Variants in ASNSD1 observed in about 807,000 individuals in gnomAD.
The protein encoded by ASNSD1 is asparagine synthetase domain-containing protein 1.
In ASNSD1, 36 loss-of-function variants were observed where a neutral mutation model predicts 48.3. The ratio of observed to expected loss-of-function variants is 0.75; its 90% CI spans 0.57 to 0.99. The LOEUF is 0.99. ASNSD1 is among the 50% of genes least tolerant of loss of function. The probability of loss-of-function intolerance (pLI) is 0.00; values close to 1 mark genes in which losing one functional copy is unlikely to be tolerated. For synonymous variants in ASNSD1, 257 were observed against 262.1 expected, an observed-to-expected ratio of 0.98 and a Z score of 0.19; for missense variants, 714 against 758.2, an observed-to-expected ratio of 0.94 and a Z score of 0.69.
chr2:189,668,396 A>T (rs1054506369), intron 5 of ASNSD1, among the ~76,000 whole-genome samples: 2 of 152,220 alleles, frequency 1.3e-5, no homozygotes, highest in African/African-American at 4.8e-5. Context: ...GCATGCCTGT[A>T]GTTCCAGCTA....
chr2:189,667,904 T>C lies in ASNSD1; in HGVS notation c.1605T>C (p.Gly535=). The change falls in exon 5 of 6, where the codon GGT becomes GGC. Residue 535 remains glycine (G), a synonymous_variant. Coordinates refer to ENST00000260952, the MANE Select transcript of ASNSD1 (RefSeq NM_019048.4). ...GTCGAATTTCTTCTAGAAATCTTGGTCGTGATGACAGAGTTATTGGTGATC... is the reference window on the plus strand; with the variant it reads ...GTCGAATTTCTTCTAGAAATCTTGGCCGTGATGACAGAGTTATTGGTGATC... ...ELGRISSRNL[G]RDDRVIGDHG... is the part of the protein sequence containing the mutation. 6.2e-7 allele frequency: 1 copy of C among 1,613,948 alleles called. No individual in the cohort carries two copies. Among genetic ancestry groups the C allele is most frequent in the Non-Finnish European group, 8.5e-7 (1 of 1,179,990 alleles).
Position 189,665,584 on chromosome 2 carries a change from TTATATATATATGTGTATATA to T in ASNSD1, c.-93+145_-93+164del, listed in dbSNP as rs1435260513. ...TAGGCTTCCGAAGATGAGTCAACAG[TTATATATATATGTGTATATA>T]TATATATATATATATATATATATAT... On this transcript the variant is annotated intron_variant, in intron 3 of 5. Transcript: ENST00000260952. 102 of 140,470 alleles carry T rather than the reference TTATATATATATGTGTATATA, an allele frequency of 7.3e-4. 1 individual carries two copies. Among genetic ancestry groups the T allele is most frequent in the African/African-American group, 3.6e-3 (96 of 26,872 alleles). 8.7% of individuals were successfully genotyped at this position (140,470 alleles called of 1,614,324 possible).
rs1446237198 is a variant in ASNSD1, at chr2:189,670,608, A to G, written c.1814A>G (p.Gln605Arg). Residue 605 changes from glutamine to arginine, a missense_variant, in exon 6 of 6, where the codon CAG becomes CGG. By Grantham distance (43) the Gln-to-Arg change is conservative (BLOSUM62 1). Transcript: ENST00000260952. ...GCTCTTCTGCCCAAACGGGCCATGC[A>G]GTTTGGATCAAGAATTGCAAAAATG... ...ASALLPKRAM[Q>R]FGSRIAKMEK... 2 of 1,614,106 alleles carry G rather than the reference A, an allele frequency of 1.2e-6. No homozygotes were observed. The highest frequency in any genetic ancestry group is 1.7e-5 in the Admixed American group (1 of 60,014).
chr2:189,665,228 G>T (rs1419659221), intron 2 of ASNSD1, 148 bp from the exon 3 acceptor site: 3 of 369,814 alleles, frequency 8.1e-6, no homozygotes, highest in Non-Finnish European at 1.4e-5. Context: ...TGGGCAGTGG[G>T]TGACTTTTAT....
intron 1 of ASNSD1, among the ~76,000 whole-genome samples, chr2:189,662,780 C>T (rs1355122770): frequency 6.6e-6 from 1 of 151,948 alleles, no homozygotes; most frequent in African/African-American, 2.4e-5. Flanking sequence ...GTTGAGCCCT[C>T]CCCTACAAAT....
In ASNSD1 at chr2:189,667,079, G is replaced by A. The variant is rs530742883; in HGVS notation, c.947G>A (p.Cys316Tyr). Residue 316 changes from cysteine to tyrosine, a missense_variant, in exon 4 of 6, where the codon TGT becomes TAT. Physicochemically the swap from Cys to Tyr is radical, Grantham distance 194. Coordinates refer to ENST00000260952, the MANE Select transcript of ASNSD1 (RefSeq NM_019048.4). ...NLTANEVLKT[C>Y]DRKANVAILF... ...ACAGCAAATGAAGTTTTGAAAACGTGTGATAGGAAAGCAAATGTTGCAATC... is the reference window on the plus strand; with the variant it reads ...ACAGCAAATGAAGTTTTGAAAACGTATGATAGGAAAGCAAATGTTGCAATC... 23 of 1,614,142 alleles carry A rather than the reference G, an allele frequency of 1.4e-5. No individual in the cohort carries two copies. In the African/African-American group the frequency reaches 1.6e-4, roughly 11 times the overall value.
chr2:189,664,019 G>A (rs2032731937), intron 2 of ASNSD1, 65 bp downstream of exon 2: 1 of 366,060 alleles, frequency 2.7e-6, no homozygotes, highest in Admixed American at 4.7e-5. Flanking sequence ...ATATATTAAA[G>A]TTATAAGAAG....
chr2:189,663,604 G>A (rs2032722973), intron 1 of ASNSD1, among the ~76,000 whole-genome samples: 1 of 152,224 alleles, frequency 6.6e-6, no homozygotes, highest in Non-Finnish European at 1.5e-5. Flanking sequence ...TTTAGTAACT[G>A]TAGTCCTTGG....
intron 1 of ASNSD1, among the ~76,000 whole-genome samples, 160 bp downstream of exon 1, chr2:189,661,770 C>T (rs1012999229): frequency 1.3e-5 from 2 of 152,214 alleles, no homozygotes; most frequent in African/African-American, 4.8e-5. Flanking sequence ...CACAGTTAGT[C>T]CTTTTATTTT....
chr2:189,670,274 C>T (rs887355374), intron 5 of ASNSD1, among the ~76,000 whole-genome samples, 167 bp from the exon 6 acceptor site: 1 of 151,422 alleles, frequency 6.6e-6, no homozygotes, highest in African/African-American at 2.4e-5. Flanking sequence ...TTTCTGGACA[C>T]AATAAACCTA....
Position 189,670,456 on chromosome 2 carries a change from T to C in ASNSD1, c.1662T>C (p.Asp554=). 1 of 1,609,270 alleles carries C rather than the reference T, an allele frequency of 6.2e-7. No individual in the cohort carries two copies. Among genetic ancestry groups the C allele is most frequent in the South Asian group, 1.1e-5 (1 of 90,312 alleles). ...TCTATTTTAGATTTCCTTTCCTGGATGAAAATGTTGTCTCCTTTCTAAATT... is the reference window on the plus strand; with the variant it reads ...TCTATTTTAGATTTCCTTTCCTGGACGAAAATGTTGTCTCCTTTCTAAATT... ...HGKEARFPFL[D]ENVVSFLNSL... is the part of the protein sequence containing the mutation. The change falls in exon 6 of 6, where the codon GAT becomes GAC. Residue 554 remains aspartate (D), a synonymous_variant. Transcript: ENST00000260952.
At position 189,666,046 on chromosome 2, in the gene ASNSD1, T is replaced by G. The variant is rs1280925681; in HGVS notation, c.-87T>G. The G allele has an allele frequency of 7.3e-7, 1 of 1,375,862 alleles. No homozygotes were observed. Among genetic ancestry groups the G allele is most frequent in the East Asian group, 2.4e-5 (1 of 42,516 alleles). The allele number at this position is 1,375,862 out of a possible 1,614,324, so 85.2% of individuals were successfully genotyped here. A position where few individuals can be genotyped will look rare whatever the true frequency, so the allele number is the denominator to read the frequency against. ...ATTCTCCTTCCCTGCAACAGATATA[T>G]TGGATGAACTGAAAAAAGAATACCA... On this transcript the variant is annotated 5_prime_UTR_variant, in exon 4 of 6. The change creates a premature stop within an existing upstream ORF in the 5' untranslated region. Coordinates refer to ENST00000260952, the MANE Select transcript of ASNSD1 (RefSeq NM_019048.4).
chr2:189,667,457 G>A lies in ASNSD1; in HGVS notation c.1325G>A (p.Arg442Lys), dbSNP rs34986680. Residue 442 changes from arginine (R) to lysine (K), a missense_variant, in exon 4 of 6, where the codon AGA becomes AAA. By Grantham distance (26) the Arg-to-Lys change is conservative. Coordinates refer to ENST00000260952, the MANE Select transcript of ASNSD1 (RefSeq NM_019048.4). ...ATGGAAGAACTGCAGAAATTAAGAAGAACTCGAATATGTCACTTAATTCGG... is the reference window on the plus strand; with the variant it reads ...ATGGAAGAACTGCAGAAATTAAGAAAAACTCGAATATGTCACTTAATTCGG... ...VSMEELQKLR[R>K]TRICHLIRPL... The A allele has an allele frequency of 1.5e-3, 2,374 of 1,614,156 alleles. 6 individuals are homozygous for A. Among genetic ancestry groups the A allele is most frequent in the Middle Eastern group, 4.3e-3 (26 of 6,062 alleles).
Position 189,670,573 on chromosome 2 carries a change from T to TA in ASNSD1, c.1780dup (p.Thr594AsnfsTer24). On this transcript the variant is annotated frameshift_variant, in exon 6 of 6. Coordinates refer to ENST00000260952, the MANE Select transcript of ASNSD1 (RefSeq NM_019048.4). LOFTEE classifies it high-confidence loss of function. ...GCCTTGCAGCTGTGGAACTTGGTCT[T>TA]ACAGCCTCTGCTCTTCTGCCCAAAC... The TA allele has an allele frequency of 1.2e-6, 2 of 1,614,148 alleles. No individual in the cohort carries two copies. Among genetic ancestry groups the TA allele is most frequent in the Non-Finnish European group, 1.7e-6 (2 of 1,179,994 alleles).
In ASNSD1 at chr2:189,664,778, A is replaced by C. The variant is rs148960059; in HGVS notation, c.-168-598A>C. Reference sequence around the variant, plus strand: ...AAAAAAAAGAAGTTGAGGCAGAATTAATACAGACTTTCTCTAGAGGGCAAA... The same window carrying C: ...AAAAAAAAGAAGTTGAGGCAGAATTCATACAGACTTTCTCTAGAGGGCAAA... On this transcript the variant is annotated intron_variant, in intron 2 of 5. Transcript: ENST00000260952. Among the ~76,000 whole-genome samples, 7 of 151,982 alleles carry C rather than the reference A, an allele frequency of 4.6e-5. No individual in the cohort carries two copies. In the East Asian group the frequency reaches 1.4e-3, roughly 29 times the overall value.
At chr2:189,663,764 C>T (rs2105682794) in intron 1 of ASNSD1, 137 bp from the exon 2 acceptor site, 1 of 334,394 alleles carries the variant, frequency 3.0e-6, no homozygotes. Flanking sequence ...TCTGTATATT[C>T]ACAAACTGCC....
rs115637978 is a variant in ASNSD1, at chr2:189,665,179, G to A, written c.-168-197G>A. On this transcript the variant is annotated intron_variant, in intron 2 of 5. Transcript: ENST00000260952. ...AGAACCTTTTTTGTTAAAATGGAGA[G>A]AAAATAGTTTCATTTCAGTAGTAGC... Among the ~76,000 whole-genome samples the A allele has an allele frequency of 9.8e-3, 1,496 of 152,236 alleles. 26 individuals carry two copies. The highest frequency in any genetic ancestry group is 0.035 in the African/African-American group (1,451 of 41,534).
chr2:189,669,790 A>T (rs1281413494), intron 5 of ASNSD1, among the ~76,000 whole-genome samples: 2 of 152,176 alleles, frequency 1.3e-5, no homozygotes, highest in Non-Finnish European at 2.9e-5. Flanking sequence ...TTTCTAGGTC[A>T]TCCCAGAATT....
chr2:189,662,028 A>G (rs985378888), intron 1 of ASNSD1, among the ~76,000 whole-genome samples: 3 of 152,156 alleles, frequency 2.0e-5, no homozygotes, highest in African/African-American at 7.2e-5. Context: ...CATTTCAAAT[A>G]TGTCCCTTTA....
Sources: gnomAD v4.1 joint callset for allele counts (sites outside exome capture counted in the v4.1 genomes callset) on GRCh38, gnomAD v4.1.1 for gene constraint, MANE v1.5 for transcripts, NCBI Gene and HGNC (gene_info 2026-07-23, HGNC 2026-07-21) for gene names.